The following AVEN variants were observed in gnomAD, a reference collection of about 807,000 sequenced individuals.
AVEN encodes the protein apoptosis and caspase activation inhibitor, also known as cell death regulator Aven.
Under a neutral mutation model 38.1 loss-of-function variants are expected in AVEN, and 41 were observed. The observed-to-expected ratio is 1.08, with a 90% CI of 0.84 to 1.40. AVEN has a LOEUF of 1.40. AVEN is among the 40% of genes most tolerant of loss of function. The probability of loss-of-function intolerance (pLI) is 0.00; values close to 1 mark genes in which losing one functional copy is unlikely to be tolerated. For synonymous variants in AVEN, 206 were observed against 171.8 expected (o/e 1.20, Z -1.56); for missense variants, 605 against 438.8 (o/e 1.38, Z -3.38).
intron 5 of AVEN, among the ~76,000 whole-genome samples, chr15:34,053,570 C>G (rs778304841): frequency 6.6e-6 from 1 of 151,776 alleles, no homozygotes; most frequent in Non-Finnish European, 1.5e-5. Flanking sequence ...CAAAAACAAG[C>G]AGTGGGGAAA....
chr15:34,009,557 A>C (rs1897547268), intron 1 of AVEN, among the ~76,000 whole-genome samples: 1 of 152,222 alleles, frequency 6.6e-6, no homozygotes, highest in Non-Finnish European at 1.5e-5. Context: ...AATAAAGAAA[A>C]AGCATAAAAA....
intron 1 of AVEN, among the ~76,000 whole-genome samples, chr15:34,022,892 G>A (rs1247065440): frequency 1.3e-5 from 2 of 152,226 alleles, no homozygotes; most frequent in African/African-American, 4.8e-5. Flanking sequence ...AAGCCAGATA[G>A]AAAAGAACAA....
rs1469385557 is a variant in AVEN, at chr15:33,988,315, C to T, written c.445+14717G>A. Among the ~76,000 whole-genome samples, 3 of 152,118 alleles carry T rather than the reference C, an allele frequency of 2.0e-5. No homozygotes were observed. The East Asian group carries it at 5.8e-4, about 29-fold the overall frequency. ...AGTATCAAGTGCAAAAAATTCCAACCTTGAAGCCAGGCATACTTAAGTTTG... is the reference window on the plus strand; with the variant it reads ...AGTATCAAGTGCAAAAAATTCCAACTTTGAAGCCAGGCATACTTAAGTTTG... On this transcript the variant is annotated intron_variant, in intron 2 of 5. Coordinates refer to ENST00000306730, the MANE Select transcript of AVEN (RefSeq NM_020371.3).
chr15:34,047,822 T>C (rs1203312973), intron 5 of AVEN, among the ~76,000 whole-genome samples: 5 of 151,968 alleles, frequency 3.3e-5, no homozygotes, highest in Non-Finnish European at 7.4e-5. Context: ...AATCTCGGCT[T>C]ACTGCAACCT....
chr15:33,970,694 G>C (rs535473174), intron 2 of AVEN, among the ~76,000 whole-genome samples: 1 of 151,954 alleles, frequency 6.6e-6, no homozygotes, highest in Admixed American at 6.5e-5. Context: ...TTGGACAAAA[G>C]TATGAAATTT....
intron 2 of AVEN, among the ~76,000 whole-genome samples, chr15:33,893,999 G>C (rs1892100505): frequency 6.7e-6 from 1 of 148,568 alleles, no homozygotes; most frequent in Non-Finnish European, 1.5e-5. Context: ...GCCCAGGCTG[G>C]AGTGCAATGG....
chr15:33,942,425 C>T (rs1307889023), intron 2 of AVEN, among the ~76,000 whole-genome samples: 1 of 151,856 alleles, frequency 6.6e-6, no homozygotes, highest in Non-Finnish European at 1.5e-5. Context: ...GGTAACATGC[C>T]GCTTTGAGAG....
At chr15:33,895,571 C>G (rs1268958357) in intron 2 of AVEN, among the ~76,000 whole-genome samples, 2 of 152,128 alleles carry the variant, frequency 1.3e-5, no homozygotes, top group South Asian at 2.1e-4. Flanking sequence ...GTGTTCTTCC[C>G]ACCTCAGCCT....
At position 33,997,487 on chromosome 15, in the gene AVEN, C is replaced by T. The variant is rs991754; in HGVS notation, c.445+5545G>A. On this transcript the variant is annotated intron_variant, in intron 2 of 5. Coordinates refer to ENST00000306730, the MANE Select transcript of AVEN (RefSeq NM_020371.3). ...CCACACCAACTCACAGCCAGGCACACCCGTATTTTTATATAAGACTATATC... is the reference window on the plus strand; with the variant it reads ...CCACACCAACTCACAGCCAGGCACATCCGTATTTTTATATAAGACTATATC... Among the ~76,000 whole-genome samples, 1,403 of 152,234 alleles carry T rather than the reference C, an allele frequency of 9.2e-3. 29 individuals are homozygous for T. The highest frequency in any genetic ancestry group is 0.032 in the African/African-American group (1,346 of 41,530).
chr15:33,887,725 G>C (rs1350344166), intron 2 of AVEN, among the ~76,000 whole-genome samples: 1 of 152,096 alleles, frequency 6.6e-6, no homozygotes, highest in Non-Finnish European at 1.5e-5. Flanking sequence ...CAAGGACTTA[G>C]AGGGGGTCAC....
intron 2 of AVEN, among the ~76,000 whole-genome samples, chr15:33,890,187 T>C (rs971294890): frequency 6.6e-6 from 1 of 152,196 alleles, no homozygotes; most frequent in South Asian, 2.1e-4. Context: ...TAGTCTGAGG[T>C]ATATAGTGAT....
At chr15:33,865,567 ATG>A (rs1420390381), downstream of AVEN, 1 of 223,358 alleles carries the variant, frequency 4.5e-6, no homozygotes, top group Non-Finnish European at 8.9e-6. Flanking sequence ...GAAATCTCGA[ATG>A]TGTAATACCT....
At chr15:33,884,220 G>C (rs1457394350) in intron 2 of AVEN, among the ~76,000 whole-genome samples, 2 of 151,978 alleles carry the variant, frequency 1.3e-5, no homozygotes, top group Non-Finnish European at 2.9e-5. Flanking sequence ...TAGGCCTCTT[G>C]GCTATCTTGA....
intron 5 of AVEN, among the ~76,000 whole-genome samples, chr15:34,049,504 G>T (rs1899850785): frequency 6.6e-6 from 1 of 151,998 alleles, no homozygotes; most frequent in Non-Finnish European, 1.5e-5. Flanking sequence ...CAAGAATGGA[G>T]AAAAAAAGAA....
At chr15:33,921,528 G>A (rs1893394416) in intron 2 of AVEN, among the ~76,000 whole-genome samples, 1 of 152,158 alleles carries the variant, frequency 6.6e-6, no homozygotes, top group South Asian at 2.1e-4. Context: ...TATATAGTTG[G>A]CAAAGAGGAT....
chr15:34,005,610 T>C (rs1897307628), intron 1 of AVEN, among the ~76,000 whole-genome samples: 1 of 152,158 alleles, frequency 6.6e-6, no homozygotes, highest in African/African-American at 2.4e-5. Flanking sequence ...ACCACAGGGT[T>C]TGGATAATGA....
intron 2 of AVEN, among the ~76,000 whole-genome samples, chr15:34,001,824 G>T (rs1429977004): frequency 1.3e-5 from 2 of 152,142 alleles, no homozygotes; most frequent in Non-Finnish European, 2.9e-5. Context: ...TCTTAGTCTG[G>T]TGCCAGCATT....
intron 2 of AVEN, among the ~76,000 whole-genome samples, chr15:33,877,197 TC>T (rs1171230363): frequency 1.3e-5 from 2 of 152,204 alleles, no homozygotes; most frequent in African/African-American, 4.8e-5. Context: ...GGTTGTTTTT[TC>T]TTCTTTTTAA....
Position 33,943,727 on chromosome 15 carries a change from C to T in AVEN, c.445+59305G>A, listed in dbSNP as rs192169566. Among the ~76,000 whole-genome samples, 219 of 148,996 alleles carry T rather than the reference C, an allele frequency of 1.5e-3. 1 individual carries two copies. The highest frequency in any genetic ancestry group is 5.0e-3 in the African/African-American group (202 of 40,642). ...ATAATCCCAGCTACTTGGGAAGCTGCGGCAGAAGAGTCACTTGAACTCAGG... is the reference window on the plus strand; with the variant it reads ...ATAATCCCAGCTACTTGGGAAGCTGTGGCAGAAGAGTCACTTGAACTCAGG... On this transcript the variant is annotated intron_variant, in intron 2 of 5. Coordinates refer to ENST00000306730, the MANE Select transcript of AVEN (RefSeq NM_020371.3).
Sources: gnomAD v4.1 joint callset for allele counts (sites outside exome capture counted in the v4.1 genomes callset) on GRCh38, gnomAD v4.1.1 for gene constraint, MANE v1.5 for transcripts, NCBI Gene and HGNC (gene_info 2026-07-23, HGNC 2026-07-21) for gene names.